The following KAZN variants were observed in gnomAD, a reference collection of about 807,000 sequenced individuals.
KAZN encodes the protein kazrin.
KAZN carries 40 observed loss-of-function variants against 87.4 expected under a neutral mutation model. The ratio of observed to expected loss-of-function variants is 0.46; its 90% confidence interval spans 0.36 to 0.60. The LOEUF is 0.60. Ranked by LOEUF, KAZN falls within the 20% of genes least tolerant of loss-of-function variation. The pLI, the probability that KAZN is intolerant of heterozygous loss-of-function variation, is 0.00. For missense variants in KAZN, 898 were observed against 1,073.9 expected (o/e 0.84, Z 2.29); for synonymous variants, 466 against 458.3 (o/e 1.02, Z -0.22).
chr1:14,014,426 A>G (rs1437628911), intron 1 of KAZN, among the ~76,000 whole-genome samples: 2 of 152,018 alleles, frequency 1.3e-5, no homozygotes, highest in African/African-American at 4.8e-5. Context: ...TAAGAAGGAG[A>G]GGATGCCTGG....
intron 2 of KAZN, among the ~76,000 whole-genome samples, chr1:14,975,492 G>A (rs980344102): frequency 6.6e-6 from 1 of 152,036 alleles, no homozygotes; most frequent in Non-Finnish European, 1.5e-5. Context: ...TGCTATGGCT[G>A]GGAAAAGACC....
intron 1 of KAZN, among the ~76,000 whole-genome samples, chr1:13,962,725 G>A (rs61699359): frequency 6.6e-6 from 1 of 151,894 alleles, no homozygotes; most frequent in East Asian, 1.9e-4. Context: ...GCCTGGCTAA[G>A]TTTTGTATTT....
At chr1:14,215,892 T>C (rs1199002261) in intron 2 of KAZN, among the ~76,000 whole-genome samples, 1 of 152,180 alleles carries the variant, frequency 6.6e-6, no homozygotes, top group Admixed American at 6.5e-5. Context: ...TCATCCAACT[T>C]CTACAGGAAT....
chr1:14,458,320 A>G (rs547892225), intron 2 of KAZN, among the ~76,000 whole-genome samples: 13 of 152,380 alleles, frequency 8.5e-5, no homozygotes, highest in African/African-American at 3.1e-4. Flanking sequence ...TCTAACAACT[A>G]TGAAAAACTC....
At chr1:14,623,459 G>T (rs1052455656) in intron 1 of KAZN, among the ~76,000 whole-genome samples, 1 of 152,184 alleles carries the variant, frequency 6.6e-6, no homozygotes, top group Non-Finnish European at 1.5e-5. Flanking sequence ...AGACACTGGG[G>T]CCTACCTGAG....
chr1:14,971,321 C>T (rs1665001070), intron 2 of KAZN, among the ~76,000 whole-genome samples: 1 of 152,178 alleles, frequency 6.6e-6, no homozygotes, highest in Admixed American at 6.5e-5. Context: ...TTGCTTGAAT[C>T]CGGGAGGCAG....
At chr1:14,289,776 C>T (rs548178250) in intron 2 of KAZN, among the ~76,000 whole-genome samples, 11 of 152,284 alleles carry the variant, frequency 7.2e-5, no homozygotes, top group Admixed American at 7.2e-4. Flanking sequence ...TTCATAGCAT[C>T]GATGGTCTTT....
chr1:14,899,160 C>T (rs550513943), intron 1 of KAZN, among the ~76,000 whole-genome samples: 6 of 152,328 alleles, frequency 3.9e-5, no homozygotes, highest in African/African-American at 1.4e-4. Flanking sequence ...AGGGACCCAA[C>T]AACCCTGTAC....
intron 1 of KAZN, among the ~76,000 whole-genome samples, chr1:14,822,360 A>AAAGT (rs902197330): frequency 1.3e-5 from 2 of 152,040 alleles, no homozygotes; most frequent in African/African-American, 4.8e-5. Flanking sequence ...CAGGAGGGAG[A>AAAGT]AAACATCCTT....
At chr1:14,727,796 A>G (rs1032619049) in intron 1 of KAZN, among the ~76,000 whole-genome samples, 4 of 151,856 alleles carry the variant, frequency 2.6e-5, no homozygotes, top group African/African-American at 7.3e-5. Flanking sequence ...GCATCGTAAT[A>G]TGTAATGAAA....
rs1671140430 is a variant in KAZN, at chr1:14,514,417, T to TATATATATAA, written c.250-84565_250-84556dup. Reference sequence around the variant, plus strand: ...TATATTTATATATATAATATATAAATATATATATAATATATATAATTGCAA... The same window carrying TATATATATAA: ...TATATTTATATATATAATATATAAATATATATATAAATATATATAATATATATAATTGCAA... On this transcript the variant is annotated intron_variant, in intron 2 of 16. Coordinates refer to the KAZN transcript ENST00000636203. 5.6e-4 allele frequency among the ~76,000 whole-genome samples: 6 copies of TATATATATAA among 10,694 alleles called. 1 individual carries two copies. The highest frequency in any genetic ancestry group is 1.4e-3 in the African/African-American group (5 of 3,700). 7.0% of individuals were successfully genotyped at this position (10,694 alleles called of 152,430 possible). A position where few individuals can be genotyped will look rare whatever the true frequency, so the allele number is the denominator to read the frequency against.
Position 15,043,973 on chromosome 1 carries a change from C to A in KAZN, c.556-16C>A. Reference sequence around the variant, plus strand: ...GCTGTAACACCCACGGTGCTCTCTCCCTCTCCCACCCACAGGAGAGCGAGG... The same window carrying A: ...GCTGTAACACCCACGGTGCTCTCTCACTCTCCCACCCACAGGAGAGCGAGG... On this transcript the variant is annotated splice_polypyrimidine_tract_variant and intron_variant, in intron 3 of 14. Coordinates refer to ENST00000376030, the MANE Select transcript of KAZN (RefSeq NM_201628.3). The A allele has an allele frequency of 6.3e-7, 1 of 1,597,178 alleles. No homozygotes were observed. The highest frequency in any genetic ancestry group is 2.3e-5 in the East Asian group (1 of 44,380).
In KAZN at chr1:15,103,931, T is replaced by G. The variant is rs927413125; in HGVS notation, c.1882-92T>G. The G allele has an allele frequency of 2.3e-6, 3 of 1,285,406 alleles. No individual in the cohort carries two copies. In the African/African-American group the frequency reaches 4.5e-5, roughly 19 times the overall value. The allele number at this position is 1,285,406 out of a possible 1,614,324, so 79.6% of individuals were successfully genotyped here. A position where few individuals can be genotyped will look rare whatever the true frequency, so the allele number is the denominator to read the frequency against. On this transcript the variant is annotated intron_variant, in intron 12 of 14. Transcript: ENST00000376030. ...GGTCCCCAGGGGGTCAAGCCCTTGC[T>G]GTTGGGGACAGAGCCCCACGTGGAA...
chr1:14,130,201 A>T (rs917946327), intron 1 of KAZN, among the ~76,000 whole-genome samples: 6 of 152,090 alleles, frequency 3.9e-5, no homozygotes, highest in Non-Finnish European at 7.4e-5. Context: ...TTTTTCATTT[A>T]TGTAGCTCTG....
chr1:14,556,036 C>T (rs181129685), intron 2 of KAZN, among the ~76,000 whole-genome samples: 138 of 152,140 alleles, frequency 9.1e-4, no homozygotes, highest in Non-Finnish European at 3.1e-4. Context: ...CCTGAAACCA[C>T]AGTAGGAGTA....
intron 1 of KAZN, among the ~76,000 whole-genome samples, chr1:14,129,668 T>C (rs1277120959): frequency 1.3e-5 from 2 of 152,152 alleles, no homozygotes; most frequent in Non-Finnish European, 2.9e-5. Context: ...CTTCTCGTGA[T>C]GGGTGTTACA....
chr1:14,810,931 C>T (rs1018407048), intron 1 of KAZN, among the ~76,000 whole-genome samples: 5 of 152,242 alleles, frequency 3.3e-5, no homozygotes, highest in African/African-American at 1.2e-4. Flanking sequence ...CCAGCTTGTC[C>T]TTCTGAGGGC....
intron 1 of KAZN, among the ~76,000 whole-genome samples, chr1:14,765,438 G>A (rs1033199641): frequency 2.0e-5 from 3 of 152,208 alleles, no homozygotes; most frequent in Non-Finnish European, 4.4e-5. Context: ...CCAGTCTGGG[G>A]TATGGTCCTT....
intron 1 of KAZN, among the ~76,000 whole-genome samples, chr1:14,845,661 T>C (rs1466749954): frequency 6.6e-6 from 1 of 152,182 alleles, no homozygotes; most frequent in Non-Finnish European, 1.5e-5. Flanking sequence ...GTTTCCCAGA[T>C]TGCCCCCATG....
Sources: gnomAD v4.1 joint callset for allele counts (sites outside exome capture counted in the v4.1 genomes callset) on GRCh38, gnomAD v4.1.1 for gene constraint, MANE v1.5 for transcripts, NCBI Gene and HGNC (gene_info 2026-07-23, HGNC 2026-07-21) for gene names.